The following SOBP variants were observed in gnomAD, a reference collection of about 807,000 sequenced individuals.
The protein encoded by SOBP is sine oculis-binding protein homolog.
SOBP carries 4 observed loss-of-function variants against 53.6 expected under a neutral mutation model. The ratio of observed to expected loss-of-function variants is 0.07; its 90% CI spans 0.04 to 0.17. SOBP has a LOEUF of 0.17. Ranked by LOEUF, SOBP falls within the 10% of genes least tolerant of loss-of-function variation. The pLI, the probability that SOBP is intolerant of heterozygous loss-of-function variation, is 1.00. For missense variants in SOBP, 1,088 were observed against 1,204.7 expected, an observed-to-expected ratio of 0.90 and a Z score of 1.43; for synonymous variants, 584 against 522.6, an observed-to-expected ratio of 1.12 and a Z score of -1.60.
At chr6:107,545,736 G>A (rs369379705) in intron 4 of SOBP, among the ~76,000 whole-genome samples, 1 of 151,402 alleles carries the variant, frequency 6.6e-6, no homozygotes, top group East Asian at 1.9e-4. Context: ...TGTGAACCAG[G>A]GACTGCAGTT....
chr6:107,640,594 A>G (rs1771263726), intron 6 of SOBP, among the ~76,000 whole-genome samples: 1 of 152,186 alleles, frequency 6.6e-6, no homozygotes, highest in Non-Finnish European at 1.5e-5. Context: ...TCTGGAATGA[A>G]TGGTGTCAAG....
intron 3 of SOBP, among the ~76,000 whole-genome samples, chr6:107,522,015 G>A (rs562765537): frequency 6.6e-6 from 1 of 151,790 alleles, no homozygotes; most frequent in Admixed American, 6.6e-5. Context: ...ATCTGACCAG[G>A]TTTGGGGTCA....
At chr6:107,597,612 A>G (rs1785994636) in intron 5 of SOBP, among the ~76,000 whole-genome samples, 1 of 152,228 alleles carries the variant, frequency 6.6e-6, no homozygotes, top group Non-Finnish European at 1.5e-5. Context: ...TTTAATGTTT[A>G]TATATGAATG....
intron 5 of SOBP, among the ~76,000 whole-genome samples, chr6:107,613,056 A>G (rs954156071): frequency 4.6e-5 from 7 of 152,244 alleles, no homozygotes; most frequent in Non-Finnish European, 2.9e-5. Context: ...GAACACTGGC[A>G]TACAAATATC....
At chr6:107,545,723 G>A (rs925242164) in intron 4 of SOBP, among the ~76,000 whole-genome samples, 2 of 151,944 alleles carry the variant, frequency 1.3e-5, no homozygotes, top group African/African-American at 4.8e-5. Context: ...TGCCTCAGGT[G>A]ACTGTGAACC....
intron 6 of SOBP, among the ~76,000 whole-genome samples, chr6:107,653,239 G>A (rs901200741): frequency 1.3e-5 from 2 of 152,350 alleles, no homozygotes; most frequent in South Asian, 4.1e-4. Context: ...TGGGTTTGGT[G>A]TGGGGACCAC....
chr6:107,540,625 T>C (rs1784124011), intron 4 of SOBP, among the ~76,000 whole-genome samples: 1 of 152,226 alleles, frequency 6.6e-6, no homozygotes, highest in Non-Finnish European at 1.5e-5. Flanking sequence ...GGCAGATCAA[T>C]GGTTTAATGA....
chr6:107,572,193 T>C (rs568338378), intron 4 of SOBP, among the ~76,000 whole-genome samples: 1 of 152,252 alleles, frequency 6.6e-6, no homozygotes, highest in South Asian at 2.1e-4. Flanking sequence ...AAGATAGCAA[T>C]TTTGAACTGA....
intron 5 of SOBP, among the ~76,000 whole-genome samples, chr6:107,624,391 C>G (rs1030713919): frequency 1.3e-5 from 2 of 152,128 alleles, no homozygotes; most frequent in Admixed American, 1.3e-4. Flanking sequence ...GGAACTTGTG[C>G]CCTGGGAACT....
At chr6:107,500,937 T>C (rs1782830644) in intron 1 of SOBP, among the ~76,000 whole-genome samples, 1 of 152,210 alleles carries the variant, frequency 6.6e-6, no homozygotes, top group African/African-American at 2.4e-5. Flanking sequence ...ATTTTGGTGT[T>C]CGTTTTCTCT....
In SOBP at chr6:107,509,132, T is replaced by C. The variant is rs1210303578; in HGVS notation, c.421+2705T>C. Among the ~76,000 whole-genome samples, 7 of 152,112 alleles carry C rather than the reference T, an allele frequency of 4.6e-5. No homozygotes were observed. The East Asian group carries it at 1.3e-3, about 29-fold the overall frequency. On this transcript the variant is annotated intron_variant, in intron 3 of 6. Coordinates refer to ENST00000317357, the MANE Select transcript of SOBP (RefSeq NM_018013.4). ...ATGTAAGGCCGGGCGCAGTGGCTCA[T>C]GCCTGTAATCCCAGCACTTTGGGAG...
At chr6:107,566,045 G>T (rs1437166000) in intron 4 of SOBP, among the ~76,000 whole-genome samples, 2 of 152,230 alleles carry the variant, frequency 1.3e-5, no homozygotes, top group Non-Finnish European at 2.9e-5. Flanking sequence ...AATTAGAAAT[G>T]ACAGACACCC....
At position 107,490,700 on chromosome 6, in the gene SOBP, TGAG is replaced by T. The variant is rs1397021000; in HGVS notation, c.88_90del (p.Glu30del). On this transcript the variant is annotated inframe_deletion, in exon 1 of 7. Coordinates refer to ENST00000317357, the MANE Select transcript of SOBP (RefSeq NM_018013.4). ...CTCACCCAGTGAAAAGGGAGATCAA[TGAG>T]GAGATGAAGGTATTTTTTGATCTCG... 2 of 1,603,400 alleles carry T rather than the reference TGAG, an allele frequency of 1.2e-6. No homozygotes were observed. The highest frequency in any genetic ancestry group is 1.7e-6 in the Non-Finnish European group (2 of 1,174,446).
chr6:107,552,056 A>C (rs147778477), intron 4 of SOBP, among the ~76,000 whole-genome samples: 8 of 152,310 alleles, frequency 5.3e-5, no homozygotes, highest in Middle Eastern at 3.4e-3. Context: ...ATTGGGACTT[A>C]CTGATGAGCT....
intron 5 of SOBP, among the ~76,000 whole-genome samples, chr6:107,606,070 C>CTTTTTT (rs11298151): frequency 6.4e-5 from 4 of 62,902 alleles, no homozygotes; most frequent in Admixed American, 2.1e-4. Flanking sequence ...AGATAGGCTC[C>CTTTTTT]TTTTTTTTTT....
In SOBP at chr6:107,503,645, C is replaced by G; in HGVS notation, c.97-12C>G. ...TTATAGAAATAAGTAGTAGCCTATG[C>G]TTCTCTTTCAGAACTTTGCAGAAAA... is the stretch of plus-strand genomic sequence containing the variant. On this transcript the variant is annotated splice_polypyrimidine_tract_variant and intron_variant, in intron 1 of 6. Transcript: ENST00000317357. The G allele has an allele frequency of 6.2e-7, 1 of 1,613,888 alleles. No individual in the cohort carries two copies. The highest frequency in any genetic ancestry group is 8.5e-7 in the Non-Finnish European group (1 of 1,179,776).
In SOBP at chr6:107,633,505, G is replaced by A; in HGVS notation, c.670-9G>A. 1 of 1,614,196 alleles carries A rather than the reference G, an allele frequency of 6.2e-7. No individual in the cohort carries two copies. Among genetic ancestry groups the A allele is most frequent in the Non-Finnish European group, 8.5e-7 (1 of 1,180,042 alleles). ...TTACCTGTTGTGGTTTTTTATTACTGTGTTGTAGGTATGTGACTGGTGTAA... is the reference window on the plus strand; with the variant it reads ...TTACCTGTTGTGGTTTTTTATTACTATGTTGTAGGTATGTGACTGGTGTAA... On this transcript the variant is annotated splice_polypyrimidine_tract_variant and intron_variant, in intron 5 of 6. Transcript: ENST00000317357.
rs561377188 is a variant in SOBP, at chr6:107,549,191, C to T, written c.573+15581C>T. ...CTGAGGCAGGAGAATGGCATGAACC[C>T]GGGAGGCGGAGCTTGCAGGGAGCCA... On this transcript the variant is annotated intron_variant, in intron 4 of 6. Coordinates refer to ENST00000317357, the MANE Select transcript of SOBP (RefSeq NM_018013.4). Among the ~76,000 whole-genome samples the T allele has an allele frequency of 1.6e-4, 25 of 151,972 alleles. 1 individual carries two copies. In the South Asian group the frequency reaches 3.3e-3, roughly 20 times the overall value.
chr6:107,494,562 C>A (rs914074513), intron 1 of SOBP, among the ~76,000 whole-genome samples: 1 of 152,154 alleles, frequency 6.6e-6, no homozygotes, highest in Non-Finnish European at 1.5e-5. Flanking sequence ...TTTTAAAATT[C>A]TTTGACAAAA....
Sources: gnomAD v4.1 joint callset for allele counts (sites outside exome capture counted in the v4.1 genomes callset) on GRCh38, gnomAD v4.1.1 for gene constraint, MANE v1.5 for transcripts, NCBI Gene and HGNC (gene_info 2026-07-23, HGNC 2026-07-21) for gene names.